The following SBF2 variants were observed in gnomAD, a reference collection of about 807,000 sequenced individuals.
SBF2 encodes the protein SET binding factor 2.
A neutral mutation model predicts 225.2 loss-of-function variants in SBF2; 112 were observed. The observed-to-expected ratio is 0.50, with a 90% confidence interval of 0.43 to 0.58. The LOEUF (loss-of-function observed/expected upper bound fraction) is 0.58, where lower values mean the gene tolerates loss of function less well. SBF2 is among the 20% of genes least tolerant of loss of function. SBF2 has a pLI of 0.00. For synonymous variants in SBF2, 763 were observed against 773.3 expected, an observed-to-expected ratio of 0.99 and a Z score of 0.22; for missense variants, 1,996 against 2,206.2, an observed-to-expected ratio of 0.90 and a Z score of 1.91.
chr11:9,998,246 A>G lies in SBF2; in HGVS notation c.975+20T>C, dbSNP rs1348155839. ...AGATTTAAATAAAGAGAAAGTTACT[A>G]TTACAAAAATATGTCATACCAAAGA... On this transcript the variant is annotated intron_variant, in intron 9 of 39. Transcript: ENST00000256190. 3.7e-6 allele frequency: 5 copies of G among 1,350,076 alleles called. No homozygotes were observed. The African/African-American group carries it at 5.7e-5, about 16-fold the overall frequency. 83.6% of individuals were successfully genotyped at this position (1,350,076 alleles called of 1,614,324 possible).
At chr11:10,034,696 A>T (rs372696951) in intron 3 of SBF2, among the ~76,000 whole-genome samples, 3 of 152,226 alleles carry the variant, frequency 2.0e-5, no homozygotes, top group African/African-American at 7.2e-5. Context: ...TTCCACAAGT[A>T]AAAAATTTTC....
intron 5 of SBF2, 116 bp downstream of exon 5, chr11:10,029,649 C>T: frequency 2.4e-6 from 2 of 830,448 alleles, no homozygotes; most frequent in South Asian, 2.8e-5. Flanking sequence ...GTAGGATCTT[C>T]CTTAAAACAA....
intron 19 of SBF2, among the ~76,000 whole-genome samples, chr11:9,854,597 A>C (rs1216741283): frequency 6.6e-6 from 1 of 152,046 alleles, no homozygotes; most frequent in African/African-American, 2.4e-5. Flanking sequence ...TTATTTATTT[A>C]TTTTAGAGAC....
chr11:10,235,262 C>T (rs973300471), intron 1 of SBF2, among the ~76,000 whole-genome samples: 5 of 152,184 alleles, frequency 3.3e-5, no homozygotes, highest in East Asian at 1.9e-4. Context: ...AGGCCAGGCA[C>T]GGTGGCTCAC....
intron 28 of SBF2, chr11:9,819,362 G>C (rs1379849268): frequency 2.0e-5 from 3 of 152,156 alleles, no homozygotes; most frequent in Non-Finnish European, 4.4e-5. Context: ...GCAAATGTCA[G>C]AGCAGATTGA....
At chr11:9,911,087 ACTGGGCACGGTGG>A (rs1244368781) in intron 16 of SBF2, among the ~76,000 whole-genome samples, 1 of 140,006 alleles carries the variant, frequency 7.1e-6, no homozygotes, top group Non-Finnish European at 1.6e-5. Context: ...AAAAAACACG[ACTGGGCACGGTGG>A]CTCATGCCTG....
intron 23 of SBF2, among the ~76,000 whole-genome samples, chr11:9,846,637 C>T (rs987790682): frequency 2.6e-5 from 4 of 152,148 alleles, no homozygotes; most frequent in African/African-American, 9.7e-5. Context: ...AAGATAATTG[C>T]TTTTTATCTA....
chr11:10,237,238 T>C (rs1419287693), intron 1 of SBF2, among the ~76,000 whole-genome samples: 2 of 152,072 alleles, frequency 1.3e-5, no homozygotes, highest in Middle Eastern at 3.2e-3. Flanking sequence ...TCCCAGCTAT[T>C]TGGGAGCCTG....
intron 13 of SBF2, among the ~76,000 whole-genome samples, chr11:9,986,853 A>G (rs954148571): frequency 6.6e-6 from 1 of 152,202 alleles, no homozygotes; most frequent in Non-Finnish European, 1.5e-5. Flanking sequence ...ACATTCAATG[A>G]AACACCAGTA....
At chr11:10,292,713 G>C (rs957923697) in intron 1 of SBF2, among the ~76,000 whole-genome samples, 1 of 151,776 alleles carries the variant, frequency 6.6e-6, no homozygotes, top group Non-Finnish European at 1.5e-5. Flanking sequence ...TTAAAAGTGG[G>C]GAGGGGGGGA....
intron 14 of SBF2, among the ~76,000 whole-genome samples, chr11:9,964,698 C>T (rs1201649707): frequency 6.6e-6 from 1 of 152,116 alleles, no homozygotes; most frequent in African/African-American, 2.4e-5. Flanking sequence ...CACCTTTTAC[C>T]ATAGGGTTAG....
intron 1 of SBF2, among the ~76,000 whole-genome samples, chr11:10,249,907 C>A (rs1308956021): frequency 1.3e-5 from 2 of 150,804 alleles, no homozygotes; most frequent in African/African-American, 4.9e-5. Context: ...CATATGGAAT[C>A]CCTGAAGCAT....
upstream of SBF2, among the ~76,000 whole-genome samples, chr11:10,295,229 C>CGT (rs1964458641): frequency 6.6e-6 from 1 of 152,236 alleles, no homozygotes; most frequent in African/African-American, 2.4e-5. Context: ...CATATTTACA[C>CGT]ATAAGACAAG....
At chr11:10,187,115 T>C (rs1450627254) in intron 2 of SBF2, among the ~76,000 whole-genome samples, 1 of 152,150 alleles carries the variant, frequency 6.6e-6, no homozygotes, top group Non-Finnish European at 1.5e-5. Flanking sequence ...GGATAATATA[T>C]ACTGCCTCCA....
At chr11:10,043,062 G>T (rs1949715587) in intron 2 of SBF2, 81 bp from the exon 3 acceptor site, 2 of 1,445,184 alleles carry the variant, frequency 1.4e-6, no homozygotes, top group Non-Finnish European at 1.9e-6. Context: ...TTAAATGTTT[G>T]CCCATTTTAA....
rs539891600 is a variant in SBF2 at position 10,076,100 on chromosome 11, G to A, written c.142-33119C>T. ...CATTAGGCTACGCTGTGGATCTGTG[G>A]TGGAAAACTGTGAGTGAATCACCAG... On this transcript the variant is annotated intron_variant, in intron 2 of 39. Coordinates refer to ENST00000256190, the MANE Select transcript of SBF2 (RefSeq NM_030962.4). 1.0e-3 allele frequency among the ~76,000 whole-genome samples: 153 copies of A among 152,326 alleles called. 1 individual carries two copies. The highest frequency in any genetic ancestry group is 1.5e-3 in the Non-Finnish European group (100 of 68,034).
chr11:9,959,023 C>T (rs1452970027), intron 16 of SBF2: 36 of 1,266,974 alleles, frequency 2.8e-5, no homozygotes, highest in Middle Eastern at 2.5e-4. Context: ...ACCATTCTCC[C>T]GCATGGCCTT....
At chr11:9,842,945 C>G (rs1387061980) in intron 24 of SBF2, among the ~76,000 whole-genome samples, 175 bp from the exon 25 acceptor site, 1 of 152,188 alleles carries the variant, frequency 6.6e-6, no homozygotes, top group Admixed American at 6.5e-5. Flanking sequence ...AGACTAATTT[C>G]CCATAAAACA....
At chr11:10,197,794 A>G (rs1241901797) in intron 1 of SBF2, among the ~76,000 whole-genome samples, 1 of 152,248 alleles carries the variant, frequency 6.6e-6, no homozygotes, top group Non-Finnish European at 1.5e-5. Context: ...TGTCATTTCA[A>G]TGAAATTCAC....
Sources: gnomAD v4.1 joint callset for allele counts (sites outside exome capture counted in the v4.1 genomes callset) on GRCh38, gnomAD v4.1.1 for gene constraint, MANE v1.5 for transcripts, NCBI Gene and HGNC (gene_info 2026-07-23, HGNC 2026-07-21) for gene names.